ANO6: variants seen among roughly 807,000 people sequenced by gnomAD.
ANO6 encodes anoctamin-6.
A neutral mutation model predicts 117.5 loss-of-function variants in ANO6; 106 were observed. That is an observed-to-expected ratio of 0.90 (90% confidence interval 0.77 to 1.06). The LOEUF (loss-of-function observed/expected upper bound fraction) is 1.06. Among genes scored for constraint, ANO6 ranks in the 50% least tolerant of loss-of-function variants. The pLI is 0.00. For missense variants in ANO6, 955 were observed against 1,121.1 expected (o/e 0.85, Z 2.12); for synonymous variants, 367 against 385.1 (o/e 0.95, Z 0.55).
intron 1 of ANO6, among the ~76,000 whole-genome samples, chr12:45,286,103 A>T (rs1215101217): frequency 6.6e-6 from 1 of 152,222 alleles, no homozygotes; most frequent in Non-Finnish European, 1.5e-5. Context: ...ATAGAGTTGC[A>T]CTTGACTCCT....
chr12:45,266,805 A>AGTGTGTGTGTGTGTGT (rs57682251), intron 1 of ANO6, among the ~76,000 whole-genome samples: 50 of 145,766 alleles, frequency 3.4e-4, no homozygotes, highest in African/African-American at 1.1e-3. Context: ...TCAAAAAACA[A>AGTGTGTGTGTGTGTGT]GTGTGTGTGT....
intron 9 of ANO6, among the ~76,000 whole-genome samples, chr12:45,369,677 A>T (rs912019960): frequency 1.2e-4 from 19 of 152,098 alleles, no homozygotes; most frequent in African/African-American, 4.3e-4. Context: ...TCTGTTTGTG[A>T]ATTATTTTTT....
At chr12:45,325,809 A>G (rs1940440053) in intron 2 of ANO6, among the ~76,000 whole-genome samples, 1 of 152,184 alleles carries the variant, frequency 6.6e-6, no homozygotes, top group African/African-American at 2.4e-5. Context: ...AGTCATGCTA[A>G]TGAAAATTAC....
At chr12:45,395,278 A>G (rs1942579023) in intron 12 of ANO6, among the ~76,000 whole-genome samples, 1 of 152,230 alleles carries the variant, frequency 6.6e-6, no homozygotes, top group Middle Eastern at 3.2e-3. Flanking sequence ...ACACCCTCCC[A>G]ACACTAAACC....
chr12:45,278,487 T>C (rs927423725), intron 1 of ANO6, among the ~76,000 whole-genome samples: 1 of 152,238 alleles, frequency 6.6e-6, no homozygotes, highest in Non-Finnish European at 1.5e-5. Flanking sequence ...TGCTTAACTT[T>C]ATTGAACATT....
In ANO6 at chr12:45,421,117, A is replaced by G; in HGVS notation, c.2264A>G (p.Tyr755Cys). ...FTSDMIPRLV[Y>C]YWSFSVPPYG... ...TCGGACATGATCCCCCGCCTAGTGT[A>G]CTACTGGTCCTTCTCCGTCCCTCCC... The change falls in exon 18 of 20, where the codon TAC (tyrosine) becomes TGC (cysteine). Residue 755 changes from tyrosine to cysteine, a missense_variant. Tyr to Cys is a radical substitution (Grantham distance 194, BLOSUM62 -2). Transcript: ENST00000320560. The G allele has an allele frequency of 6.2e-7, 1 of 1,614,204 alleles. No individual in the cohort carries two copies. Among genetic ancestry groups the G allele is most frequent in the Non-Finnish European group, 8.5e-7 (1 of 1,180,022 alleles).
intron 1 of ANO6, among the ~76,000 whole-genome samples, chr12:45,267,219 T>C (rs1189955864): frequency 1.3e-5 from 2 of 152,156 alleles, no homozygotes; most frequent in African/African-American, 4.8e-5. Context: ...TACATTTGGT[T>C]TCTCCTGAGG....
intron 2 of ANO6, among the ~76,000 whole-genome samples, chr12:45,321,920 C>T (rs925663389): frequency 5.3e-5 from 8 of 152,054 alleles, no homozygotes; most frequent in African/African-American, 1.4e-4. Context: ...CTTATTACTG[C>T]GCCATCAAGA....
chr12:45,341,492 A>G (rs1940977138), intron 3 of ANO6, among the ~76,000 whole-genome samples: 1 of 152,222 alleles, frequency 6.6e-6, no homozygotes, highest in African/African-American at 2.4e-5. Flanking sequence ...TGCGTCTATG[A>G]TATTCATATG....
At chr12:45,386,353 A>G (rs1170035292) in intron 10 of ANO6, among the ~76,000 whole-genome samples, 1 of 152,238 alleles carries the variant, frequency 6.6e-6, no homozygotes, top group African/African-American at 2.4e-5. Context: ...AGTAGTCCAC[A>G]TACATTGCAT....
At chr12:45,251,348 A>G (rs1033369870) in intron 1 of ANO6, among the ~76,000 whole-genome samples, 3 of 152,224 alleles carry the variant, frequency 2.0e-5, no homozygotes, top group Admixed American at 6.5e-5. Context: ...AGCTTAGCGA[A>G]TTAAGGCAAC....
rs577841569 is a variant in ANO6 at position 45,382,102 on chromosome 12, C to T, written c.1165+3989C>T. 6.6e-5 allele frequency among the ~76,000 whole-genome samples: 10 copies of T among 152,142 alleles called. 1 individual carries two copies. The South Asian group carries it at 1.7e-3, about 25-fold the overall frequency. On this transcript the variant is annotated intron_variant, in intron 10 of 19. Coordinates refer to ENST00000320560, the MANE Select transcript of ANO6 (RefSeq NM_001025356.3). ...CTATTATCAGTCTTTAGATTGATGACAAAATACAGTGTATATTAATGAAGT... is the reference window on the plus strand; with the variant it reads ...CTATTATCAGTCTTTAGATTGATGATAAAATACAGTGTATATTAATGAAGT...
At chr12:45,376,887 A>T (rs976419212) in intron 9 of ANO6, among the ~76,000 whole-genome samples, 1 of 147,722 alleles carries the variant, frequency 6.8e-6, no homozygotes, top group Non-Finnish European at 1.5e-5. Context: ...GAAAAAAAAA[A>T]AGAAGAAGAA....
chr12:45,279,731 G>T (rs1376247333), intron 1 of ANO6, among the ~76,000 whole-genome samples: 7 of 152,164 alleles, frequency 4.6e-5, no homozygotes, highest in Non-Finnish European at 7.3e-5. Context: ...ATAAGACTAA[G>T]GAATTAAAAA....
chr12:45,275,738 A>G (rs2137243150), intron 1 of ANO6, among the ~76,000 whole-genome samples: 1 of 152,160 alleles, frequency 6.6e-6, no homozygotes, highest in Middle Eastern at 3.4e-3. Flanking sequence ...TGCCTTCTTG[A>G]AATTACCTTC....
intron 13 of ANO6, among the ~76,000 whole-genome samples, chr12:45,402,694 C>T (rs1942823945): frequency 6.6e-6 from 1 of 152,196 alleles, no homozygotes; most frequent in Non-Finnish European, 1.5e-5. Flanking sequence ...ATAGACCTAC[C>T]TTATCGCAAT....
intron 2 of ANO6, among the ~76,000 whole-genome samples, chr12:45,322,842 T>A (rs1940326925): frequency 6.6e-6 from 1 of 152,152 alleles, no homozygotes; most frequent in Non-Finnish European, 1.5e-5. Context: ...GTAAAAAAAA[T>A]TGGGTGCTTT....
intron 12 of ANO6, among the ~76,000 whole-genome samples, chr12:45,398,460 T>A (rs541229340): frequency 9.2e-5 from 14 of 152,342 alleles, no homozygotes; most frequent in African/African-American, 2.6e-4. Flanking sequence ...GAAGGCAGCT[T>A]AGCAATTGTG....
At chr12:45,384,776 A>T (rs1942253403) in intron 10 of ANO6, among the ~76,000 whole-genome samples, 1 of 152,256 alleles carries the variant, frequency 6.6e-6, no homozygotes, top group Admixed American at 6.5e-5. Flanking sequence ...AAATGTGAGA[A>T]TTACTAAAAT....
Sources: allele counts gnomAD v4.1 joint callset (sites outside exome capture counted in the v4.1 genomes callset), GRCh38; gene constraint gnomAD v4.1.1; transcripts MANE v1.5; gene names NCBI Gene and HGNC (gene_info 2026-07-23, HGNC 2026-07-21).